The following LTBP1 variants were observed in gnomAD, a reference collection of about 807,000 sequenced individuals.
LTBP1 encodes latent transforming growth factor beta binding protein 1, also known as latent-transforming growth factor beta-binding protein 1.
Under a neutral mutation model 207.6 loss-of-function variants are expected in LTBP1, and 129 were observed. The ratio of observed to expected loss-of-function variants is 0.62; its 90% CI spans 0.54 to 0.72. The LOEUF is 0.72. LTBP1 is among the 30% of genes least tolerant of loss of function. The probability of loss-of-function intolerance (pLI) is 0.00; values close to 1 mark genes in which losing one functional copy is unlikely to be tolerated. For missense variants in LTBP1, 2,281 were observed against 2,217.2 expected (o/e 1.03, Z -0.58); for synonymous variants, 963 against 833.7 (o/e 1.16, Z -2.67).
intron 19 of LTBP1, among the ~76,000 whole-genome samples, chr2:33,285,036 T>C (rs988496654): frequency 2.0e-5 from 2 of 102,392 alleles, no homozygotes; most frequent in African/African-American, 9.7e-5. Flanking sequence ...TATCACATTC[T>C]TTTTTTTTTT....
intron 26 of LTBP1, among the ~76,000 whole-genome samples, chr2:33,352,973 T>C (rs2094802965): frequency 4.3e-5 from 4 of 93,764 alleles, no homozygotes; most frequent in African/African-American, 2.3e-4. Context: ...AGCCTTTCTT[T>C]TTTTTTTTTT....
chr2:33,312,271 G>A (rs1175083657), intron 23 of LTBP1, among the ~76,000 whole-genome samples: 1 of 152,212 alleles, frequency 6.6e-6, no homozygotes, highest in Non-Finnish European at 1.5e-5. Context: ...GAATAACAGT[G>A]TGTGATAGGC....
chr2:33,066,814 A>C (rs2077531950), intron 3 of LTBP1, among the ~76,000 whole-genome samples: 1 of 152,232 alleles, frequency 6.6e-6, no homozygotes, highest in Non-Finnish European at 1.5e-5. Context: ...CAAGCCAGGA[A>C]AGCCATTTAT....
chr2:33,288,755 T>C (rs2093716115), intron 19 of LTBP1, among the ~76,000 whole-genome samples: 2 of 150,952 alleles, frequency 1.3e-5, no homozygotes, highest in Admixed American at 6.6e-5. Context: ...CTCAGGAGGC[T>C]GAGGCAGGAG....
intron 22 of LTBP1, among the ~76,000 whole-genome samples, chr2:33,302,950 TACAC>T (rs70938396): frequency 0.027 from 3,842 of 144,804 alleles, 46 homozygotes; most frequent in Non-Finnish European, 0.034. Flanking sequence ...CTAATATTTT[TACAC>T]ACACACACAC....
At chr2:33,314,300 G>A (rs925288292) in intron 23 of LTBP1, among the ~76,000 whole-genome samples, 6 of 152,116 alleles carry the variant, frequency 3.9e-5, no homozygotes, top group African/African-American at 1.2e-4. Flanking sequence ...CTGTAATTGC[G>A]GCACTTTGGA....
chr2:32,977,510 TATGTCACTGGTGCC>T (rs1308532042), intron 2 of LTBP1, among the ~76,000 whole-genome samples: 3 of 152,200 alleles, frequency 2.0e-5, no homozygotes, highest in African/African-American at 7.2e-5. Flanking sequence ...CTACTGGGGT[TATGTCACTGGTGCC>T]AGTTTTTTCT....
intron 4 of LTBP1, among the ~76,000 whole-genome samples, chr2:33,120,059 G>A (rs1325481731): frequency 1.3e-5 from 2 of 150,822 alleles, no homozygotes; most frequent in African/African-American, 4.9e-5. Context: ...TTTCCTAAGA[G>A]GTAGTTGCAG....
At chr2:33,089,400 C>G (rs1357505677) in intron 3 of LTBP1, among the ~76,000 whole-genome samples, 1 of 152,038 alleles carries the variant, frequency 6.6e-6, no homozygotes, top group East Asian at 1.9e-4. Flanking sequence ...GTGATATTGC[C>G]CTCCACGTGA....
chr2:33,207,622 G>A (rs2089981833), intron 7 of LTBP1, among the ~76,000 whole-genome samples: 1 of 152,200 alleles, frequency 6.6e-6, no homozygotes, highest in Non-Finnish European at 1.5e-5. Flanking sequence ...CTCTTCTTAT[G>A]AGACAATGCC....
At chr2:33,046,017 G>C (rs1001079730) in intron 3 of LTBP1, among the ~76,000 whole-genome samples, 3 of 152,194 alleles carry the variant, frequency 2.0e-5, no homozygotes, top group African/African-American at 7.2e-5. Context: ...ATTTTGGGCT[G>C]AGACGATGGG....
chr2:33,202,782 G>A (rs1573152728), intron 7 of LTBP1, among the ~76,000 whole-genome samples: 1 of 152,212 alleles, frequency 6.6e-6, no homozygotes, highest in Non-Finnish European at 1.5e-5. Context: ...CTTATGGATA[G>A]GGCCCTCCCA....
At chr2:33,111,999 A>G (rs2080440357) in intron 4 of LTBP1, among the ~76,000 whole-genome samples, 1 of 152,238 alleles carries the variant, frequency 6.6e-6, no homozygotes, top group African/African-American at 2.4e-5. Flanking sequence ...TATATGTGTA[A>G]TATTTTTCTA....
In LTBP1 at chr2:32,951,684, T is replaced by C. The variant is rs912897731; in HGVS notation, c.565+2739T>C. 2.6e-5 allele frequency among the ~76,000 whole-genome samples: 4 copies of C among 152,350 alleles called. No individual in the cohort carries two copies. In the East Asian group the frequency reaches 7.7e-4, roughly 29 times the overall value. On this transcript the variant is annotated intron_variant, in intron 2 of 33. Transcript: ENST00000404816. ...TGACTGTGCTAAAATCTTGCCTTCT[T>C]TATAGGATGGTTGCAGGTATTAAGA...
intron 3 of LTBP1, among the ~76,000 whole-genome samples, chr2:33,085,779 T>C (rs1208233856): frequency 1.3e-5 from 2 of 152,220 alleles, no homozygotes; most frequent in Admixed American, 6.5e-5. Flanking sequence ...GTTGCTGGGT[T>C]GGGAAGATAA....
chr2:32,967,717 T>A (rs1233582270), intron 2 of LTBP1, among the ~76,000 whole-genome samples: 1 of 152,228 alleles, frequency 6.6e-6, no homozygotes, highest in Non-Finnish European at 1.5e-5. Context: ...TTTGTTAAGA[T>A]GTGTTTTATG....
At position 33,200,585 on chromosome 2, in the gene LTBP1, A is replaced by G. The variant is rs2089122798; in HGVS notation, c.1701+11734A>G. Among the ~76,000 whole-genome samples, 3 of 151,850 alleles carry G rather than the reference A, an allele frequency of 2.0e-5. No individual in the cohort carries two copies. In the South Asian group the frequency reaches 6.2e-4, roughly 31 times the overall value. On this transcript the variant is annotated intron_variant, in intron 7 of 33. Coordinates refer to ENST00000404816, the MANE Select transcript of LTBP1 (RefSeq NM_206943.4). ...GCTTGGGCAAGGACTTCCTGTCTAA[A>G]ACACCAAAAGCAATGGCAACAAAAG...
At chr2:33,206,738 CA>C (rs367575248) in intron 7 of LTBP1, among the ~76,000 whole-genome samples, 8,226 of 90,990 alleles carry the variant, frequency 0.09, 312 homozygotes, top group Middle Eastern at 0.25. Context: ...GACTCCATTT[CA>C]AAAAAAAAAA....
chr2:33,275,967 A>T (rs1280397824), intron 18 of LTBP1, 44 bp downstream of exon 18: 1 of 1,518,344 alleles, frequency 6.6e-7, no homozygotes, highest in South Asian at 1.3e-5. Flanking sequence ...GGTGATGTGC[A>T]GGGTTGGTAG....
Sources: allele counts gnomAD v4.1 joint callset (sites outside exome capture counted in the v4.1 genomes callset), GRCh38; gene constraint gnomAD v4.1.1; transcripts MANE v1.5; gene names NCBI Gene and HGNC (gene_info 2026-07-23, HGNC 2026-07-21).